The following TIAM1 variants were observed in gnomAD, a reference collection of about 807,000 sequenced individuals.
The protein encoded by TIAM1 is rho guanine nucleotide exchange factor TIAM1.
A neutral mutation model predicts 163.5 loss-of-function variants in TIAM1; 65 were observed. The ratio of observed to expected loss-of-function variants is 0.40; its 90% confidence interval spans 0.33 to 0.49. The LOEUF (loss-of-function observed/expected upper bound fraction) is 0.49. Ranked by LOEUF, TIAM1 falls within the 20% of genes least tolerant of loss-of-function variation. The pLI is 0.77. For synonymous variants in TIAM1, 833 were observed against 810.1 expected, an observed-to-expected ratio of 1.03 and a Z score of -0.48; for missense variants, 1,789 against 2,044.7, an observed-to-expected ratio of 0.87 and a Z score of 2.41.
rs1289494696 is a variant in TIAM1, at chr21:31,161,190, T to C, written c.2991+3772A>G. Among the ~76,000 whole-genome samples the C allele has an allele frequency of 2.0e-5, 3 of 152,268 alleles. No individual in the cohort carries two copies. The East Asian group carries it at 5.8e-4, about 29-fold the overall frequency. On this transcript the variant is annotated intron_variant, in intron 16 of 27. Transcript: ENST00000541036. ...GAAAAAGTCATTCCTAATGGAAATG[T>C]CCTGAAAATTATTCTAATACATTTG...
At chr21:31,328,281 T>A (rs1327273943) in intron 2 of TIAM1, among the ~76,000 whole-genome samples, 1 of 152,212 alleles carries the variant, frequency 6.6e-6, no homozygotes, top group Non-Finnish European at 1.5e-5. Context: ...TCAGTATCCA[T>A]GGCTTCCATA....
chr21:31,349,846 C>A (rs1003759384), intron 2 of TIAM1, among the ~76,000 whole-genome samples: 1 of 152,120 alleles, frequency 6.6e-6, no homozygotes, highest in Non-Finnish European at 1.5e-5. Flanking sequence ...GCCTACCCTT[C>A]GGTAAAGTGG....
chr21:31,462,604 A>G (rs1205021718), intron 2 of TIAM1, among the ~76,000 whole-genome samples: 2 of 151,672 alleles, frequency 1.3e-5, no homozygotes, highest in African/African-American at 4.8e-5. Flanking sequence ...AACAACCACA[A>G]CTCTCAAGAC....
At chr21:31,467,007 T>C (rs987519475) in intron 1 of TIAM1, among the ~76,000 whole-genome samples, 3 of 147,382 alleles carry the variant, frequency 2.0e-5, no homozygotes, top group Non-Finnish European at 4.5e-5. Context: ...AAAGACTGGA[T>C]TTAAAAGCCT....
intron 2 of TIAM1, among the ~76,000 whole-genome samples, chr21:31,423,125 G>A (rs1335799442): frequency 8.7e-6 from 1 of 114,420 alleles, no homozygotes; most frequent in African/African-American, 3.4e-5. Context: ...TTGAGACGGA[G>A]TCTGGCTCTG....
chr21:31,242,860 CAA>C (rs11417948), intron 6 of TIAM1, among the ~76,000 whole-genome samples: 13,434 of 94,688 alleles, frequency 0.14, 837 homozygotes, highest in East Asian at 0.42. Context: ...GACTCTGTCT[CAA>C]AAAAAAAAAA....
At chr21:31,495,245 AT>A (rs2147431595) in intron 1 of TIAM1, among the ~76,000 whole-genome samples, 1 of 152,310 alleles carries the variant, frequency 6.6e-6, no homozygotes, top group East Asian at 1.9e-4. Context: ...AGACTAGGTA[AT>A]TTATAAAGAA....
At chr21:31,335,198 G>A (rs1286734129) in intron 2 of TIAM1, among the ~76,000 whole-genome samples, 1 of 152,166 alleles carries the variant, frequency 6.6e-6, no homozygotes, top group Non-Finnish European at 1.5e-5. Context: ...TAACTTTCCT[G>A]AGGGTGTTCA....
At chr21:31,160,439 G>A (rs2083857559) in intron 16 of TIAM1, 2 of 398,590 alleles carry the variant, frequency 5.0e-6, no homozygotes, top group African/African-American at 2.1e-5. Flanking sequence ...CAGCAAAGGC[G>A]CTCACCAGAT....
chr21:31,227,019 C>T (rs946168409), intron 6 of TIAM1, among the ~76,000 whole-genome samples: 1 of 144,934 alleles, frequency 6.9e-6, no homozygotes, highest in African/African-American at 2.6e-5. Flanking sequence ...TGCAGTGGCG[C>T]GATCTTGGCT....
chr21:31,537,257 T>C lies in TIAM1; in HGVS notation c.-422+21670A>G, dbSNP rs538641127. Among the ~76,000 whole-genome samples, 4 of 152,196 alleles carry C rather than the reference T, an allele frequency of 2.6e-5. No individual in the cohort carries two copies. In the South Asian group the frequency reaches 8.3e-4, roughly 32 times the overall value. On this transcript the variant is annotated intron_variant, in intron 1 of 28. Coordinates refer to the TIAM1 transcript ENST00000286827. ...CCAGTGACATGAGTGTTTGGAGGGATAGTATTCAACTCACCCGCATAGGGC... is the reference window on the plus strand; with the variant it reads ...CCAGTGACATGAGTGTTTGGAGGGACAGTATTCAACTCACCCGCATAGGGC...
chr21:31,213,567 A>G (rs1305126274), intron 9 of TIAM1, 95 bp from the exon 10 acceptor site: 1 of 997,150 alleles, frequency 1.0e-6, no homozygotes, highest in African/African-American at 1.6e-5. Context: ...GCTATGACAA[A>G]ACCTTACACA....
At chr21:31,233,876 G>A (rs150780461) in intron 6 of TIAM1, among the ~76,000 whole-genome samples, 91 of 152,294 alleles carry the variant, frequency 6.0e-4, no homozygotes, top group African/African-American at 2.0e-3. Flanking sequence ...GCAAAGAGGC[G>A]AACAGATGGC....
intron 11 of TIAM1, among the ~76,000 whole-genome samples, chr21:31,205,789 C>A (rs1393906408): frequency 1.3e-5 from 2 of 152,132 alleles, no homozygotes; most frequent in East Asian, 1.9e-4. Flanking sequence ...CATGGTGAAA[C>A]CCTGTCTGTA....
chr21:31,188,594 A>G (rs1223599978), intron 13 of TIAM1, among the ~76,000 whole-genome samples: 1 of 152,206 alleles, frequency 6.6e-6, no homozygotes, highest in African/African-American at 2.4e-5. Flanking sequence ...GTTATTAAAG[A>G]GACAGGGTCT....
chr21:31,310,841 G>A (rs957656533), intron 2 of TIAM1, among the ~76,000 whole-genome samples: 5 of 152,162 alleles, frequency 3.3e-5, no homozygotes, highest in Non-Finnish European at 5.9e-5. Context: ...ACTAACAACC[G>A]TCATTGAGGA....
At chr21:31,132,127 G>T (rs1191527055) in intron 23 of TIAM1, among the ~76,000 whole-genome samples, 2 of 152,172 alleles carry the variant, frequency 1.3e-5, no homozygotes, top group African/African-American at 4.8e-5. Context: ...ATTACAAAAG[G>T]AACAAACATT....
intron 22 of TIAM1, among the ~76,000 whole-genome samples, chr21:31,140,160 A>T (rs1472080536): frequency 6.6e-6 from 1 of 152,192 alleles, no homozygotes; most frequent in Non-Finnish European, 1.5e-5. Flanking sequence ...GGACAAAAAA[A>T]TGAGCCTGGA....
At chr21:31,485,595 C>A (rs1033177107) in intron 1 of TIAM1, among the ~76,000 whole-genome samples, 1 of 152,130 alleles carries the variant, frequency 6.6e-6, no homozygotes, top group Non-Finnish European at 1.5e-5. Context: ...CTCCAGCAGC[C>A]GCCATTGTAT....
Sources: gnomAD v4.1 joint callset for allele counts (sites outside exome capture counted in the v4.1 genomes callset) on GRCh38, gnomAD v4.1.1 for gene constraint, MANE v1.5 for transcripts, NCBI Gene and HGNC (gene_info 2026-07-23, HGNC 2026-07-21) for gene names.